The following JAK2 variants were observed in gnomAD, a reference collection of about 807,000 sequenced individuals.
JAK2 encodes the protein Janus kinase 2.
JAK2 carries 86 observed loss-of-function variants against 139.3 expected under a neutral mutation model. The ratio of observed to expected loss-of-function variants is 0.62; its 90% CI spans 0.52 to 0.74. The LOEUF is 0.74. JAK2 is among the 30% of genes least tolerant of loss of function. The pLI, the probability that JAK2 is intolerant of heterozygous loss-of-function variation, is 0.00. For missense variants in JAK2, 1,421 were observed against 1,360.3 expected (o/e 1.04, Z -0.70); for synonymous variants, 490 against 437.7 (o/e 1.12, Z -1.49).
At chr9:5,021,893 A>C (rs1367768084) in intron 2 of JAK2, 70 bp from the exon 3 acceptor site, 2 of 879,372 alleles carry the variant, frequency 2.3e-6, no homozygotes, top group African/African-American at 3.4e-5. Flanking sequence ...TCGGCCCCGC[A>C]AAGTGCTAGG....
At chr9:5,074,861 C>A (rs149596686) in intron 14 of JAK2, among the ~76,000 whole-genome samples, 1 of 152,140 alleles carries the variant, frequency 6.6e-6, no homozygotes, top group East Asian at 1.9e-4. Flanking sequence ...ATGCTGAAAG[C>A]CAAGACAAGC....
At chr9:5,008,829 C>G (rs1821491741) in intron 2 of JAK2, among the ~76,000 whole-genome samples, 1 of 152,156 alleles carries the variant, frequency 6.6e-6, no homozygotes, top group Admixed American at 6.5e-5. Flanking sequence ...CATTCGTCCT[C>G]CATCTAGAGC....
chr9:5,116,678 T>C (rs16922647), intron 22 of JAK2, among the ~76,000 whole-genome samples: 1,543 of 152,294 alleles, frequency 0.01, 18 homozygotes, highest in African/African-American at 0.036. Context: ...CCAAATACTA[T>C]ACAGGGAGGT....
At chr9:5,043,012 G>A (rs935142126) in intron 4 of JAK2, among the ~76,000 whole-genome samples, 3 of 152,210 alleles carry the variant, frequency 2.0e-5, no homozygotes, top group African/African-American at 4.8e-5. Context: ...GGCGTCGCGC[G>A]GCTCGGCCCC....
At position 5,080,517 on chromosome 9, in the gene JAK2, G is replaced by T. The variant is rs2130607049; in HGVS notation, c.2284-16G>T. 1 of 1,571,174 alleles carries T rather than the reference G, an allele frequency of 6.4e-7. No homozygotes were observed. The highest frequency in any genetic ancestry group is 8.6e-7 in the Non-Finnish European group (1 of 1,164,758). On this transcript the variant is annotated splice_polypyrimidine_tract_variant and intron_variant, in intron 17 of 24. Coordinates refer to ENST00000381652, the MANE Select transcript of JAK2 (RefSeq NM_004972.4). ...ATTACACAATTTATTCTCAGTTTGT[G>T]GTTCTTTAATTATAGAAGCTACAAT...
At chr9:4,993,274 C>T (rs1323703019) in intron 2 of JAK2, among the ~76,000 whole-genome samples, 1 of 152,182 alleles carries the variant, frequency 6.6e-6, no homozygotes, top group Admixed American at 6.5e-5. Context: ...CTATGAGGTA[C>T]TGATTTAGAT....
At chr9:5,034,617 A>G (rs1586673155) in intron 4 of JAK2, among the ~76,000 whole-genome samples, 1 of 152,238 alleles carries the variant, frequency 6.6e-6, no homozygotes, top group South Asian at 2.1e-4. Context: ...TGGAAACTGA[A>G]CAACCTGCTC....
rs1445695404 is a variant in JAK2 at position 5,029,773 on chromosome 9, T to G, written c.227-10T>G. 1 of 1,600,458 alleles carries G rather than the reference T, an allele frequency of 6.2e-7. No homozygotes were observed. The highest frequency in any genetic ancestry group is 1.1e-5 in the South Asian group (1 of 88,272). ...ACCTTTAATAATTCCTTTCTCTGCT[T>G]CTTTTCTAGGTATCACACCTGTGTA... is the stretch of plus-strand genomic sequence containing the variant. On this transcript the variant is annotated splice_polypyrimidine_tract_variant and intron_variant, in intron 3 of 24. Transcript: ENST00000381652.
At chr9:5,010,321 G>T (rs1476220522) in intron 2 of JAK2, among the ~76,000 whole-genome samples, 1 of 151,006 alleles carries the variant, frequency 6.6e-6, no homozygotes, top group Non-Finnish European at 1.5e-5. Flanking sequence ...TTAAACAATT[G>T]TCAGTTGTCT....
intron 8 of JAK2, among the ~76,000 whole-genome samples, chr9:5,062,733 A>T (rs1818277163): frequency 6.6e-6 from 1 of 152,000 alleles, no homozygotes. Flanking sequence ...CCAACACTGG[A>T]TGTTATCAAT....
intron 2 of JAK2, among the ~76,000 whole-genome samples, chr9:4,991,628 A>G (rs1820255547): frequency 6.6e-6 from 1 of 152,162 alleles, no homozygotes; most frequent in African/African-American, 2.4e-5. Context: ...AATGTGTATA[A>G]AGTTTAAAAA....
At chr9:5,042,748 G>C (rs2130306721) in intron 4 of JAK2, among the ~76,000 whole-genome samples, 1 of 152,332 alleles carries the variant, frequency 6.6e-6, no homozygotes, top group Non-Finnish European at 1.5e-5. Context: ...CACAGGCATT[G>C]CTGCCAGGGG....
At chr9:5,091,719 A>G (rs1820588682) in intron 22 of JAK2, 1 of 152,204 alleles carries the variant, frequency 6.6e-6, no homozygotes. Flanking sequence ...AACTGGGTCT[A>G]GTAGAAGTGA....
intron 19 of JAK2, among the ~76,000 whole-genome samples, chr9:5,086,710 T>C (rs986697215): frequency 4.6e-5 from 7 of 152,214 alleles, no homozygotes; most frequent in African/African-American, 1.7e-4. Context: ...CCCTGAAATC[T>C]CCCTGTCTGA....
chr9:5,120,210 G>A (rs902850709), intron 22 of JAK2, among the ~76,000 whole-genome samples: 6 of 152,286 alleles, frequency 3.9e-5, no homozygotes, highest in South Asian at 4.1e-4. Context: ...GTGGAAGGGC[G>A]AGAGGGGCCA....
At chr9:5,016,918 A>T (rs1822102930) in intron 2 of JAK2, among the ~76,000 whole-genome samples, 1 of 152,262 alleles carries the variant, frequency 6.6e-6, no homozygotes, top group Non-Finnish European at 1.5e-5. Flanking sequence ...ACGGCATAGT[A>T]GCTGAGAATT....
At chr9:5,096,081 A>C (rs894978647) in intron 22 of JAK2, among the ~76,000 whole-genome samples, 1 of 152,180 alleles carries the variant, frequency 6.6e-6, no homozygotes, top group South Asian at 2.1e-4. Flanking sequence ...CTATCATAAC[A>C]CTACTCAACC....
intron 7 of JAK2, 138 bp downstream of exon 7, chr9:5,055,022 C>T (rs1015871989): frequency 4.9e-5 from 26 of 532,052 alleles, no homozygotes; most frequent in African/African-American, 4.8e-4. Context: ...TAGCGTGAAC[C>T]TATCAAGGTC....
rs374118930 is a variant in JAK2 at position 5,111,213 on chromosome 9, G to A, written c.3060-11791G>A. 2.6e-3 allele frequency: 1,560 copies of A among 605,512 alleles called. 40 individuals are homozygous for A. Among genetic ancestry groups the A allele is most frequent in the South Asian group, 0.02 (1,336 of 66,372 alleles). 37.5% of individuals were successfully genotyped at this position (605,512 alleles called of 1,614,324 possible). A position where few individuals can be genotyped will look rare whatever the true frequency, so the allele number is the denominator to read the frequency against. On this transcript the variant is annotated intron_variant, in intron 22 of 24. Coordinates refer to ENST00000381652, the MANE Select transcript of JAK2 (RefSeq NM_004972.4). ...TCCTGGGACCGGGACTCGGAGGCAA[G>A]AGCAGCTAGCGCGGGCCTATTCCTC...
Sources: allele counts gnomAD v4.1 joint callset (sites outside exome capture counted in the v4.1 genomes callset), GRCh38; gene constraint gnomAD v4.1.1; transcripts MANE v1.5; gene names NCBI Gene and HGNC (gene_info 2026-07-23, HGNC 2026-07-21).